Variants in ATP6V0D2 observed in about 807,000 individuals in gnomAD.
The protein encoded by ATP6V0D2 is ATPase H+ transporting V0 subunit d2.
A neutral mutation model predicts 40.0 loss-of-function variants in ATP6V0D2; 40 were observed. That is an observed-to-expected ratio of 1.00 (90% CI 0.78 to 1.30). The LOEUF is 1.30. Among genes scored for constraint, ATP6V0D2 ranks in the 50% most tolerant of loss-of-function variants. The probability of loss-of-function intolerance (pLI) is 0.00; values close to 1 mark genes in which losing one functional copy is unlikely to be tolerated. For synonymous variants in ATP6V0D2, 179 were observed against 156.3 expected, an observed-to-expected ratio of 1.15 and a Z score of -1.08; for missense variants, 470 against 423.1, an observed-to-expected ratio of 1.11 and a Z score of -0.97.
Position 86,150,420 on chromosome 8 carries a change from C to A in ATP6V0D2, c.816+132C>A, listed in dbSNP as rs1186528156. The A allele has an allele frequency of 3.2e-6, 3 of 929,816 alleles. No individual in the cohort carries two copies. The African/African-American group carries it at 5.0e-5, about 15-fold the overall frequency. 57.6% of individuals were successfully genotyped at this position (929,816 alleles called of 1,614,324 possible). ...ATTTGTAAGGTAGCAATCAGTGTTT[C>A]TTGCTGAAGCAATCTCTCCCTAAGA... On this transcript the variant is annotated intron_variant, in intron 6 of 7. Transcript: ENST00000285393.
intron 2 of ATP6V0D2, among the ~76,000 whole-genome samples, chr8:86,127,949 G>A (rs552195461): frequency 6.6e-6 from 1 of 152,166 alleles, no homozygotes; most frequent in Admixed American, 6.5e-5. Flanking sequence ...AGGCACAGTG[G>A]CTCATGCCTG....
At chr8:86,134,197 A>C (rs1818866383) in intron 2 of ATP6V0D2, among the ~76,000 whole-genome samples, 1 of 152,160 alleles carries the variant, frequency 6.6e-6, no homozygotes, top group Non-Finnish European at 1.5e-5. Context: ...AGAAAAAAAA[A>C]TAGCATTTTG....
At chr8:86,124,859 T>C (rs898037610) in intron 2 of ATP6V0D2, among the ~76,000 whole-genome samples, 1 of 152,136 alleles carries the variant, frequency 6.6e-6, no homozygotes, top group Non-Finnish European at 1.5e-5. Flanking sequence ...AACTGGCTGA[T>C]TGAAAAAAAT....
chr8:86,111,249 A>C (rs1818525709), intron 1 of ATP6V0D2, among the ~76,000 whole-genome samples: 1 of 150,244 alleles, frequency 6.7e-6, no homozygotes, highest in African/African-American at 2.5e-5. Flanking sequence ...TACAGTGGCG[A>C]GATCATAGCT....
At chr8:86,131,726 C>T (rs1818827649) in intron 2 of ATP6V0D2, among the ~76,000 whole-genome samples, 1 of 151,982 alleles carries the variant, frequency 6.6e-6, no homozygotes, top group South Asian at 2.1e-4. Context: ...GTCTCGAACT[C>T]CTGACCTCCG....
At chr8:86,128,936 CT>C (rs750799745) in intron 2 of ATP6V0D2, among the ~76,000 whole-genome samples, 2 of 152,168 alleles carry the variant, frequency 1.3e-5, no homozygotes, top group Non-Finnish European at 2.9e-5. Flanking sequence ...TTAGCTAAAA[CT>C]AAATCCAAAA....
rs1818974787 is a variant in ATP6V0D2, at chr8:86,141,617, A to G, written c.561+88A>G. On this transcript the variant is annotated intron_variant, in intron 4 of 7. Coordinates refer to ENST00000285393, the MANE Select transcript of ATP6V0D2 (RefSeq NM_152565.1). ...CTATTAAAACTTACTTTACTCATTA[A>G]CCAACTTCTGCAATTATGAAACTGT... is the stretch of plus-strand genomic sequence containing the variant. 6 of 900,706 alleles carry G rather than the reference A, an allele frequency of 6.7e-6. No individual in the cohort carries two copies. In the East Asian group the frequency reaches 1.3e-4, roughly 20 times the overall value. 55.8% of individuals were successfully genotyped at this position (900,706 alleles called of 1,614,324 possible).
chr8:86,100,249 G>A (rs796143635), intron 1 of ATP6V0D2, among the ~76,000 whole-genome samples: 10 of 151,502 alleles, frequency 6.6e-5, no homozygotes, highest in African/African-American at 2.2e-4. Flanking sequence ...AAGATTCCAC[G>A]TCTGTAACAG....
chr8:86,151,368 TA>T, intron 6 of ATP6V0D2, 97 bp from the exon 7 acceptor site: 5 of 874,210 alleles, frequency 5.7e-6, no homozygotes, highest in Non-Finnish European at 8.4e-6. Flanking sequence ...TATTTTTTTT[TA>T]AATAGGTACA....
At chr8:86,150,000 T>C in intron 5 of ATP6V0D2, 112 bp from the exon 6 acceptor site, 1 of 1,012,354 alleles carries the variant, frequency 9.9e-7, no homozygotes, top group Non-Finnish European at 1.5e-6. Context: ...TAATTAGACA[T>C]AGATCCAGAA....
intron 2 of ATP6V0D2, among the ~76,000 whole-genome samples, chr8:86,134,683 A>G (rs967569886): frequency 6.6e-6 from 1 of 152,242 alleles, no homozygotes; most frequent in Non-Finnish European, 1.5e-5. Context: ...TTTATCCAAG[A>G]ATAATAAAAC....
intron 1 of ATP6V0D2, among the ~76,000 whole-genome samples, chr8:86,108,590 T>C (rs1818497068): frequency 1.3e-5 from 2 of 152,020 alleles, no homozygotes; most frequent in Non-Finnish European, 2.9e-5. Flanking sequence ...GATAGAACAG[T>C]AGATAGTCAC....
chr8:86,121,578 A>AAGGAGGAGGAGG (rs562798784), intron 2 of ATP6V0D2, among the ~76,000 whole-genome samples: 17 of 107,444 alleles, frequency 1.6e-4, no homozygotes, highest in African/African-American at 5.1e-4. Context: ...ATTTCAAAAG[A>AAGGAGGAGGAGG]AGGAGGAGGA....
intron 5 of ATP6V0D2, among the ~76,000 whole-genome samples, chr8:86,149,014 T>G (rs2626344): frequency 0.86 from 120,505 of 139,802 alleles, 51,950 homozygotes; most frequent in Middle Eastern, 0.91. Context: ...ACCACTGCAC[T>G]CCAGCCTGGA....
intron 2 of ATP6V0D2, among the ~76,000 whole-genome samples, chr8:86,121,754 G>A (rs192019892): frequency 6.6e-6 from 1 of 152,002 alleles, no homozygotes; most frequent in East Asian, 1.9e-4. Context: ...CAAATTCGAG[G>A]GTCTCTCTAG....
chr8:86,102,233 GAAAT>G (rs1373027031), intron 1 of ATP6V0D2, among the ~76,000 whole-genome samples: 1 of 152,172 alleles, frequency 6.6e-6, no homozygotes, highest in Non-Finnish European at 1.5e-5. Flanking sequence ...AGGATGTTGA[GAAAT>G]AAATAGTGTG....
chr8:86,124,176 C>G (rs755058375), intron 2 of ATP6V0D2, among the ~76,000 whole-genome samples: 2 of 152,144 alleles, frequency 1.3e-5, no homozygotes, highest in African/African-American at 2.4e-5. Flanking sequence ...CAAAGGGGAG[C>G]AAGTGCAGGG....
chr8:86,151,186 T>A (rs1819145435), intron 6 of ATP6V0D2, among the ~76,000 whole-genome samples: 1 of 152,038 alleles, frequency 6.6e-6, no homozygotes, highest in Non-Finnish European at 1.5e-5. Flanking sequence ...TAGCTAGCCC[T>A]AAGAACCTGA....
chr8:86,121,614 G>A (rs1284764823), intron 2 of ATP6V0D2, among the ~76,000 whole-genome samples: 2 of 147,938 alleles, frequency 1.4e-5, no homozygotes, highest in African/African-American at 2.6e-5. Context: ...GGAGGAGGAG[G>A]AGGAGAAGGA....
Sources: gnomAD v4.1 joint callset for allele counts (sites outside exome capture counted in the v4.1 genomes callset) on GRCh38, gnomAD v4.1.1 for gene constraint, MANE v1.5 for transcripts, NCBI Gene and HGNC (gene_info 2026-07-23, HGNC 2026-07-21) for gene names.